TBCD: variants seen among roughly 807,000 people sequenced by gnomAD.
TBCD encodes the protein tubulin folding cofactor D.
In TBCD, 105 loss-of-function variants were observed where a neutral mutation model predicts 169.3. The ratio of observed to expected loss-of-function variants is 0.62; its 90% CI spans 0.53 to 0.73. The LOEUF is 0.73. TBCD is among the 30% of genes least tolerant of loss of function. The pLI, the probability that TBCD is intolerant of heterozygous loss-of-function variation, is 0.00. For synonymous variants in TBCD, 700 were observed against 643.9 expected, an observed-to-expected ratio of 1.09 and a Z score of -1.32; for missense variants, 1,444 against 1,600.1, an observed-to-expected ratio of 0.90 and a Z score of 1.66.
chr17:82,929,562 G>A (rs1259507605), intron 32 of TBCD, 62 bp downstream of exon 32: 27 of 1,592,006 alleles, frequency 1.7e-5, no homozygotes, highest in Middle Eastern at 1.7e-4. Flanking sequence ...GTGCTTCCCT[G>A]TCTCTTGGGA....
intron 37 of TBCD, among the ~76,000 whole-genome samples, chr17:82,940,958 TAAAAAA>T (rs199798632): frequency 6.8e-6 from 1 of 148,004 alleles, no homozygotes; most frequent in Non-Finnish European, 1.5e-5. Flanking sequence ...CCCTTTCTGT[TAAAAAA>T]AAAAATCCTT....
chr17:82,882,721 C>G (rs557246182), intron 14 of TBCD, among the ~76,000 whole-genome samples: 1 of 151,444 alleles, frequency 6.6e-6, no homozygotes, highest in Admixed American at 6.6e-5. Context: ...CAACAGACAG[C>G]GTGAGACACA....
intron 13 of TBCD, among the ~76,000 whole-genome samples, chr17:82,836,669 A>G (rs189137296): frequency 1.3e-5 from 2 of 151,628 alleles, no homozygotes; most frequent in Admixed American, 6.6e-5. Context: ...ATTATTTCAC[A>G]TTGCTGATAC....
In TBCD at chr17:82,789,693, A is replaced by G. The variant is rs1221476897; in HGVS notation, c.771+7972A>G. On this transcript the variant is annotated intron_variant, in intron 7 of 38. Transcript: ENST00000355528. The surrounding 1 kb of genome is among the most constrained non-coding windows in gnomAD (Gnocchi z 4.8). ...CTTCCCTCTAAGGCAGATGTCCCTC[A>G]GGCTTTGGTCCTGGCTGTTGATATC... Among the ~76,000 whole-genome samples, 2 of 152,172 alleles carry G rather than the reference A, an allele frequency of 1.3e-5. No homozygotes were observed. Among genetic ancestry groups the G allele is most frequent in the South Asian group, 2.1e-4 (1 of 4,830 alleles).
chr17:82,854,325 C>T (rs571368980), intron 13 of TBCD, among the ~76,000 whole-genome samples: 1 of 152,320 alleles, frequency 6.6e-6, no homozygotes, highest in East Asian at 1.9e-4. Context: ...CAGCCCCCTT[C>T]AGCTTTGATA....
chr17:82,838,335 TAA>T (rs11370957), intron 13 of TBCD, among the ~76,000 whole-genome samples: 211 of 150,064 alleles, frequency 1.4e-3, no homozygotes, highest in African/African-American at 4.4e-3. Flanking sequence ...AAAGAGTTCT[TAA>T]AAAAAAAAAC....
chr17:82,941,359 T>C (rs1200685381), intron 37 of TBCD, 40 bp from the exon 38 acceptor site: 2 of 1,532,310 alleles, frequency 1.3e-6, no homozygotes, highest in Admixed American at 1.9e-5. Context: ...GGTTCTCCGG[T>C]GGGCACTCGA....
chr17:82,788,332 T>C (rs534573063), intron 7 of TBCD, among the ~76,000 whole-genome samples: 66 of 152,246 alleles, frequency 4.3e-4, no homozygotes, highest in Middle Eastern at 3.4e-3. Flanking sequence ...AGTGCTCTGA[T>C]TGGAAGATTG....
intron 7 of TBCD, among the ~76,000 whole-genome samples, chr17:82,791,091 CT>C (rs35648641): frequency 4.0e-4 from 50 of 124,600 alleles, no homozygotes; most frequent in Admixed American, 5.1e-4. Context: ...TCTCTTGCAT[CT>C]TTTTTTTTTT....
chr17:82,909,027 A>G (rs569299273), intron 21 of TBCD, among the ~76,000 whole-genome samples: 102 of 152,346 alleles, frequency 6.7e-4, no homozygotes, highest in Non-Finnish European at 1.2e-3. Flanking sequence ...AGGTGGCTCC[A>G]GCTCCCTACT....
In TBCD at chr17:82,884,970, G is replaced by C. The variant is rs974291331; in HGVS notation, c.1533+768G>C. The C allele has an allele frequency of 6.6e-6, 1 of 152,356 alleles. No individual in the cohort carries two copies. Among genetic ancestry groups the C allele is most frequent in the Non-Finnish European group, 1.5e-5 (1 of 68,168 alleles). The allele number at this position is 152,356 out of a possible 1,614,324, so 9.4% of individuals were successfully genotyped here. ...AGAGAGGCAGCCCTTTGAGAAAGAT[G>C]GAGGGGTGAGGTTGGCTTTTGGTGA... On this transcript the variant is annotated intron_variant, in intron 15 of 38. Transcript: ENST00000355528. This position sits in a 1 kb window ranked among gnomAD's most constrained non-coding sequence, Gnocchi z 4.2.
intron 33 of TBCD, among the ~76,000 whole-genome samples, chr17:82,932,425 G>T (rs143733364): frequency 6.6e-6 from 1 of 152,230 alleles, no homozygotes; most frequent in African/African-American, 2.4e-5. Context: ...CACCAGGGCC[G>T]TGCTGTTTCT....
At chr17:82,856,843 G>A (rs1259145187) in intron 13 of TBCD, among the ~76,000 whole-genome samples, 4 of 139,278 alleles carry the variant, frequency 2.9e-5, no homozygotes, top group African/African-American at 8.5e-5. Context: ...CCCTCGGTGC[G>A]CATCCAGGGC....
Position 82,893,601 on chromosome 17 carries a change from G to T in TBCD, c.1618G>T (p.Gly540Cys). The change falls in exon 17 of 39, where the codon GGT (glycine) becomes TGT (cysteine). Residue 540 changes from glycine (G) to cysteine (C), a missense_variant. Physicochemically the swap from Gly to Cys is radical, Grantham distance 159 (BLOSUM62 -3). Coordinates refer to ENST00000355528, the MANE Select transcript of TBCD (RefSeq NM_005993.5). ...ILTTADYFAV[G>C]NRSNCFLVIS... ...GACCACAGCTGACTATTTTGCCGTC[G>T]GTAACAGATCCAACTGTTTCCTGGT... 6 of 1,611,104 alleles carry T rather than the reference G, an allele frequency of 3.7e-6. No homozygotes were observed. The highest frequency in any genetic ancestry group is 4.2e-6 in the Non-Finnish European group (5 of 1,178,610).
At position 82,903,853 on chromosome 17, in the gene TBCD, C is replaced by T. The variant is rs111771566; in HGVS notation, c.1804+375C>T. On this transcript the variant is annotated intron_variant, in intron 19 of 38. Transcript: ENST00000355528. This position sits in a 1 kb window ranked among gnomAD's most constrained non-coding sequence, Gnocchi z 4.8. ...CTCCCTGGTCTCTAGGTGGCTCGCA[C>T]CTGCCACACGACACTCCCTGGTCTC... Among the ~76,000 whole-genome samples the T allele has an allele frequency of 3.4e-4, 4 of 11,664 alleles. No individual in the cohort carries two copies. The highest frequency in any genetic ancestry group is 5.3e-4 in the Non-Finnish European group (3 of 5,656). 7.7% of individuals were successfully genotyped at this position (11,664 alleles called of 152,430 possible).
chr17:82,757,394 G>T (rs1386479714), intron 2 of TBCD, among the ~76,000 whole-genome samples: 4 of 152,124 alleles, frequency 2.6e-5, no homozygotes, highest in Admixed American at 1.3e-4. Flanking sequence ...GTGGAGGCGG[G>T]TGGATCACTT....
intron 14 of TBCD, among the ~76,000 whole-genome samples, chr17:82,871,081 A>G (rs2057522397): frequency 1.3e-5 from 2 of 152,182 alleles, no homozygotes; most frequent in South Asian, 2.1e-4. Flanking sequence ...AGCAGGTTTC[A>G]TGGGATCACC....
chr17:82,872,674 A>C (rs956038631), intron 14 of TBCD, among the ~76,000 whole-genome samples: 3 of 89,228 alleles, frequency 3.4e-5, no homozygotes, highest in African/African-American at 1.0e-4. Context: ...GTTGATAGGA[A>C]TAGTCACAGA....
intron 13 of TBCD, among the ~76,000 whole-genome samples, chr17:82,827,863 A>C (rs550470407): frequency 4.7e-4 from 50 of 107,272 alleles, no homozygotes; most frequent in East Asian, 3.9e-3. Context: ...ATGCACACAC[A>C]CCCCCCCACA....
Sources: gnomAD v4.1 joint callset for allele counts (sites outside exome capture counted in the v4.1 genomes callset) on GRCh38, gnomAD v4.1.1 for gene constraint, Gnocchi (gnomAD v3.1) non-coding constraint, MANE v1.5 for transcripts, NCBI Gene and HGNC (gene_info 2026-07-23, HGNC 2026-07-21) for gene names.